The following WNT2 variants were observed in gnomAD, a reference collection of about 807,000 sequenced individuals.
The protein encoded by WNT2 is protein Wnt-2.
In WNT2, 12 loss-of-function variants were observed where a neutral mutation model predicts 36.9. The observed-to-expected ratio is 0.33, with a 90% CI of 0.21 to 0.53. WNT2 has a LOEUF of 0.53. Ranked by LOEUF, WNT2 falls within the 20% of genes least tolerant of loss-of-function variation. WNT2 has a pLI of 0.95. For missense variants in WNT2, 379 were observed against 473.1 expected (o/e 0.80, Z 1.84); for synonymous variants, 163 against 174.6 (o/e 0.93, Z 0.52).
intron 3 of WNT2, 119 bp from the exon 4 acceptor site, chr7:117,297,995 G>A: frequency 7.4e-7 from 1 of 1,358,142 alleles, no homozygotes; most frequent in East Asian, 2.4e-5. Flanking sequence ...TGGGGCAAGT[G>A]ACTGGGAAAT....
intron 3 of WNT2, among the ~76,000 whole-genome samples, chr7:117,312,400 A>G (rs1193546541): frequency 6.6e-6 from 1 of 152,144 alleles, no homozygotes; most frequent in Non-Finnish European, 1.5e-5. Context: ...CCCAGGCTGG[A>G]AGAGTGGACA....
intron 4 of WNT2, among the ~76,000 whole-genome samples, chr7:117,283,951 G>C (rs933119223): frequency 6.6e-6 from 1 of 152,128 alleles, no homozygotes; most frequent in African/African-American, 2.4e-5. Flanking sequence ...GAGCTGTGAC[G>C]GGCCCCCATG....
At chr7:117,310,635 A>G (rs2116379513) in intron 3 of WNT2, among the ~76,000 whole-genome samples, 1 of 151,698 alleles carries the variant, frequency 6.6e-6, no homozygotes, top group East Asian at 1.9e-4. Flanking sequence ...TGGGACTCAA[A>G]TTTCAAATTT....
intron 2 of WNT2, among the ~76,000 whole-genome samples, chr7:117,315,901 G>T (rs1379929980): frequency 6.6e-6 from 1 of 152,214 alleles, no homozygotes; most frequent in Non-Finnish European, 1.5e-5. Context: ...GGTGGGAAGA[G>T]AATTCTGGCA....
chr7:117,289,721 T>C (rs756852733), intron 4 of WNT2, among the ~76,000 whole-genome samples: 5 of 152,238 alleles, frequency 3.3e-5, no homozygotes, highest in Non-Finnish European at 5.9e-5. Context: ...GTTCCTGCCG[T>C]CACAGGATCC....
At chr7:117,302,221 T>C (rs567491469) in intron 3 of WNT2, among the ~76,000 whole-genome samples, 1 of 152,216 alleles carries the variant, frequency 6.6e-6, no homozygotes, top group East Asian at 1.9e-4. Flanking sequence ...TCCAAACTAA[T>C]CATTAAAAAT....
intron 4 of WNT2, among the ~76,000 whole-genome samples, chr7:117,292,489 G>A (rs1424768958): frequency 6.6e-6 from 1 of 152,200 alleles, no homozygotes; most frequent in East Asian, 1.9e-4. Flanking sequence ...CATAAGGTGT[G>A]TAGCGCAGGG....
At chr7:117,285,703 G>A (rs568465790) in intron 4 of WNT2, among the ~76,000 whole-genome samples, 1 of 152,264 alleles carries the variant, frequency 6.6e-6, no homozygotes, top group Admixed American at 6.5e-5. Context: ...CATATATTTG[G>A]ATGCTTCACA....
Position 117,297,671 on chromosome 7 carries a change from T to A in WNT2, c.794A>T (p.Lys265Ile). ...ATTCTCAAAATACACGAGGTCATTTTTCGTTGGCTTCTTAAACCTCTCGTT... is the reference window on the plus strand; with the variant it reads ...ATTCTCAAAATACACGAGGTCATTTATCGTTGGCTTCTTAAACCTCTCGTT... ...VANERFKKPTKNDLVYFENSP... is the reference protein window; with the variant it reads ...VANERFKKPTINDLVYFENSP... Residue 265 changes from lysine (K) to isoleucine (I), a missense_variant, in exon 4 of 5, where the codon AAA becomes ATA. Transcript: ENST00000265441. The A allele has an allele frequency of 6.2e-7, 1 of 1,614,176 alleles. No homozygotes were observed. Among genetic ancestry groups the A allele is most frequent in the Non-Finnish European group, 8.5e-7 (1 of 1,179,980 alleles).
chr7:117,315,712 G>A (rs1795202766), intron 2 of WNT2, among the ~76,000 whole-genome samples: 1 of 152,178 alleles, frequency 6.6e-6, no homozygotes, highest in African/African-American at 2.4e-5. Flanking sequence ...GCATCTCTAG[G>A]CCTTTTTCTT....
rs1007735966 is a variant in WNT2 at position 117,278,032 on chromosome 7, C to T, written c.*123G>A. 133 of 1,156,382 alleles carry T rather than the reference C, an allele frequency of 1.2e-4. No homozygotes were observed. Among genetic ancestry groups the T allele is most frequent in the South Asian group, 7.6e-5 (5 of 65,514 alleles). The allele number at this position is 1,156,382 out of a possible 1,614,324, so 71.6% of individuals were successfully genotyped here. The stretch of plus-strand genomic sequence containing the variant: ...CCCCCAGGGAGGAAGAGGGGGCTTC[C>T]GTTGAGATAAAGGCCACATGCCTTA... On this transcript the variant is annotated 3_prime_UTR_variant, in exon 5 of 5. Coordinates refer to ENST00000265441, the MANE Select transcript of WNT2 (RefSeq NM_003391.3).
In WNT2 at chr7:117,278,021, G is replaced by C; in HGVS notation, c.*134C>G. The C allele has an allele frequency of 9.9e-7, 1 of 1,006,678 alleles. No homozygotes were observed. Among genetic ancestry groups the C allele is most frequent in the East Asian group, 2.6e-5 (1 of 38,542 alleles). 62.4% of individuals were successfully genotyped at this position (1,006,678 alleles called of 1,614,324 possible). A position where few individuals can be genotyped will look rare whatever the true frequency, so the allele number is the denominator to read the frequency against. On this transcript the variant is annotated 3_prime_UTR_variant, in exon 5 of 5. Coordinates refer to ENST00000265441, the MANE Select transcript of WNT2 (RefSeq NM_003391.3). The stretch of plus-strand genomic sequence containing the variant: ...CCATCCTGGGGCCCCCAGGGAGGAA[G>C]AGGGGGCTTCCGTTGAGATAAAGGC...
At chr7:117,303,699 A>G (rs1794957684) in intron 3 of WNT2, among the ~76,000 whole-genome samples, 1 of 152,230 alleles carries the variant, frequency 6.6e-6, no homozygotes, top group Admixed American at 6.5e-5. Context: ...ATTTAAAAAC[A>G]ATAAACATCT....
intron 3 of WNT2, among the ~76,000 whole-genome samples, chr7:117,310,006 C>T (rs917862427): frequency 7.2e-5 from 11 of 151,964 alleles, no homozygotes; most frequent in African/African-American, 2.7e-4. Context: ...TCTCAAACTC[C>T]TGAGCTCAAG....
intron 4 of WNT2, among the ~76,000 whole-genome samples, chr7:117,283,716 A>T (rs954805029): frequency 5.9e-5 from 9 of 152,234 alleles, no homozygotes; most frequent in Admixed American, 5.9e-4. Context: ...GACCATTGAC[A>T]AAAGCTTAAC....
intron 2 of WNT2, among the ~76,000 whole-genome samples, chr7:117,319,877 T>G (rs761498975): frequency 3.3e-5 from 5 of 152,166 alleles, no homozygotes; most frequent in Admixed American, 1.3e-4. Flanking sequence ...AAAATGTAGC[T>G]GGAAAATAAT....
intron 2 of WNT2, among the ~76,000 whole-genome samples, chr7:117,318,846 G>C (rs1248111273): frequency 6.6e-6 from 1 of 152,150 alleles, no homozygotes; most frequent in Non-Finnish European, 1.5e-5. Flanking sequence ...CAATTCTACA[G>C]CTCTGAAGAA....
At position 117,284,995 on chromosome 7, in the gene WNT2, C is replaced by T. The variant is rs532043763; in HGVS notation, c.854-6611G>A. On this transcript the variant is annotated intron_variant, in intron 4 of 4. Transcript: ENST00000265441. This position sits in a 1 kb window ranked among gnomAD's most constrained non-coding sequence, Gnocchi z 5.2. ...TTGCCGAGTGCCCAGTCCTGGTGCC[C>T]GGCCAGGCACCAGAAAGCAGCCTGC... Among the ~76,000 whole-genome samples, 78 of 152,318 alleles carry T rather than the reference C, an allele frequency of 5.1e-4. No homozygotes were observed. The highest frequency in any genetic ancestry group is 1.8e-3 in the African/African-American group (73 of 41,576).
intron 2 of WNT2, among the ~76,000 whole-genome samples, chr7:117,316,339 G>A (rs751562302): frequency 1.3e-5 from 2 of 152,172 alleles, no homozygotes; most frequent in Admixed American, 6.5e-5. Flanking sequence ...TTTAGGGTCC[G>A]TGTGCACCTC....
Sources: gnomAD v4.1 joint callset for allele counts (sites outside exome capture counted in the v4.1 genomes callset) on GRCh38, gnomAD v4.1.1 for gene constraint, Gnocchi (gnomAD v3.1) non-coding constraint, MANE v1.5 for transcripts, NCBI Gene and HGNC (gene_info 2026-07-23, HGNC 2026-07-21) for gene names.